The following DAPK1 variants were observed in gnomAD, a reference collection of about 807,000 sequenced individuals.
DAPK1 encodes the protein death-associated protein kinase 1.
DAPK1 carries 56 observed loss-of-function variants against 144.9 expected under a neutral mutation model. The observed-to-expected ratio is 0.39, with a 90% CI of 0.31 to 0.48. The LOEUF (loss-of-function observed/expected upper bound fraction) is 0.48. Ranked by LOEUF, DAPK1 falls within the 20% of genes least tolerant of loss-of-function variation. The pLI is 0.95. For missense variants in DAPK1, 1,454 were observed against 1,875.4 expected, an observed-to-expected ratio of 0.78 and a Z score of 4.15; for synonymous variants, 690 against 749.0, an observed-to-expected ratio of 0.92 and a Z score of 1.29.
At chr9:87,576,989 G>C (rs1481952560) in intron 2 of DAPK1, among the ~76,000 whole-genome samples, 2 of 152,204 alleles carry the variant, frequency 1.3e-5, no homozygotes, top group East Asian at 3.8e-4. Flanking sequence ...ACCTGCAGCT[G>C]CCCCATAAAT....
intron 3 of DAPK1, among the ~76,000 whole-genome samples, chr9:87,631,203 A>G (rs1829676871): frequency 1.3e-5 from 2 of 152,184 alleles, no homozygotes; most frequent in Admixed American, 6.5e-5. Context: ...GTATGTAGAC[A>G]GGGGTCCTCT....
chr9:87,668,866 T>C (rs2119277787), intron 19 of DAPK1, 192 bp downstream of exon 19: 1 of 569,714 alleles, frequency 1.8e-6, no homozygotes, highest in Admixed American at 3.3e-5. Flanking sequence ...TTCTTCTCTA[T>C]TTGGACTTGG....
intron 19 of DAPK1, among the ~76,000 whole-genome samples, chr9:87,678,430 C>T (rs536637930): frequency 6.6e-6 from 1 of 152,332 alleles, no homozygotes; most frequent in African/African-American, 2.4e-5. Context: ...GAGTGCAACC[C>T]CCACAGACGC....
At chr9:87,613,137 T>C (rs960223757) in intron 3 of DAPK1, among the ~76,000 whole-genome samples, 4 of 152,224 alleles carry the variant, frequency 2.6e-5, no homozygotes, top group Admixed American at 2.6e-4. Context: ...GCTATGGTTG[T>C]AGCCAAGTGC....
intron 18 of DAPK1, among the ~76,000 whole-genome samples, chr9:87,659,512 GC>G (rs1250200523): frequency 6.6e-6 from 1 of 152,208 alleles, no homozygotes; most frequent in African/African-American, 2.4e-5. Context: ...ACCCAGCCAG[GC>G]CATTATTGAA....
intron 2 of DAPK1, among the ~76,000 whole-genome samples, chr9:87,536,421 A>G (rs1178096339): frequency 6.6e-6 from 1 of 152,174 alleles, no homozygotes; most frequent in Non-Finnish European, 1.5e-5. Flanking sequence ...GAAATGCGAA[A>G]TACTTAAAGC....
chr9:87,660,547 G>C (rs1006305618), intron 18 of DAPK1, among the ~76,000 whole-genome samples: 1 of 151,922 alleles, frequency 6.6e-6, no homozygotes, highest in Non-Finnish European at 1.5e-5. Flanking sequence ...TATTACACTG[G>C]GGTGAAGTCA....
Position 87,647,370 on chromosome 9 carries a change from T to G in DAPK1, c.1296T>G (p.Ser432Arg). Residue 432 changes from serine to arginine, a missense_variant, in exon 14 of 26, where the codon AGT (serine) becomes AGG (arginine). Around this residue, in one of 2 missense-constraint regions of DAPK1, gnomAD observed 429 missense variants for 637.5 expected, o/e 0.67. Coordinates refer to ENST00000408954, the MANE Select transcript of DAPK1 (RefSeq NM_004938.4). ...HGHVDTLKFL[S>R]ENKCPLDVKD... is the part of the protein sequence containing the mutation. ...ACGTCGATACCTTGAAATTTCTCAG[T>G]GAGAACAAATGCCCTTTGGATGTGA... The G allele has an allele frequency of 6.2e-7, 1 of 1,614,138 alleles. No individual in the cohort carries two copies. The highest frequency in any genetic ancestry group is 1.7e-5 in the Admixed American group (1 of 60,028).
intron 2 of DAPK1, among the ~76,000 whole-genome samples, chr9:87,604,128 AGTGG>A (rs1828625091): frequency 6.6e-6 from 1 of 151,970 alleles, no homozygotes; most frequent in African/African-American, 2.4e-5. Context: ...TCAAACTAAG[AGTGG>A]CTCTCCTCAT....
At chr9:87,546,484 G>A (rs1290494770) in intron 2 of DAPK1, among the ~76,000 whole-genome samples, 1 of 152,162 alleles carries the variant, frequency 6.6e-6, no homozygotes, top group Non-Finnish European at 1.5e-5. Flanking sequence ...GGTGGTCTGA[G>A]CTCTGAATTG....
chr9:87,703,567 C>T (rs1001546044), intron 25 of DAPK1, among the ~76,000 whole-genome samples: 2 of 152,140 alleles, frequency 1.3e-5, no homozygotes, highest in African/African-American at 4.8e-5. Flanking sequence ...TTCAGGATGG[C>T]TTCTTTGTAT....
chr9:87,545,944 G>T (rs1348109440), intron 2 of DAPK1, among the ~76,000 whole-genome samples: 1 of 152,122 alleles, frequency 6.6e-6, no homozygotes, highest in Non-Finnish European at 1.5e-5. Flanking sequence ...AGACCATTTT[G>T]TTGCATCCTC....
At chr9:87,560,791 G>T (rs750752193) in intron 2 of DAPK1, among the ~76,000 whole-genome samples, 1 of 150,880 alleles carries the variant, frequency 6.6e-6, no homozygotes, top group Admixed American at 6.6e-5. Flanking sequence ...TCAGCCTCCC[G>T]AGTAGCTAAG....
intron 21 of DAPK1, among the ~76,000 whole-genome samples, chr9:87,694,761 G>C (rs1825197178): frequency 6.6e-6 from 1 of 152,182 alleles, no homozygotes; most frequent in Non-Finnish European, 1.5e-5. Flanking sequence ...AGAGATGTCA[G>C]TGGGGCTCTA....
intron 2 of DAPK1, among the ~76,000 whole-genome samples, chr9:87,594,165 GTTGT>G (rs1458870583): frequency 6.6e-6 from 1 of 152,232 alleles, no homozygotes; most frequent in Non-Finnish European, 1.5e-5. Context: ...ATGGAGTGTT[GTTGT>G]TTGTTTTGTT....
intron 2 of DAPK1, among the ~76,000 whole-genome samples, chr9:87,602,768 A>G (rs571624597): frequency 2.1e-4 from 32 of 151,800 alleles, no homozygotes; most frequent in Non-Finnish European, 2.9e-4. Context: ...TGAGTAGCTG[A>G]GATTACAGGC....
intron 2 of DAPK1, among the ~76,000 whole-genome samples, chr9:87,531,164 G>A (rs1472021327): frequency 3.9e-5 from 6 of 152,122 alleles, no homozygotes; most frequent in Admixed American, 2.6e-4. Flanking sequence ...ATTGTTGCAC[G>A]CAGTGGGCTC....
intron 2 of DAPK1, among the ~76,000 whole-genome samples, chr9:87,576,263 G>T (rs1434284833): frequency 6.6e-6 from 1 of 152,254 alleles, no homozygotes; most frequent in Admixed American, 6.5e-5. Context: ...AAGCTGAGCA[G>T]ATGTTTTCCT....
chr9:87,614,892 G>A (rs1564024188), intron 3 of DAPK1, among the ~76,000 whole-genome samples: 1 of 152,124 alleles, frequency 6.6e-6, no homozygotes, highest in Admixed American at 6.5e-5. Flanking sequence ...CCCCACTCTG[G>A]TCATACGGAG....
Sources: allele counts gnomAD v4.1 joint callset (sites outside exome capture counted in the v4.1 genomes callset), GRCh38; gene constraint gnomAD v4.1.1; regional missense constraint gnomAD v4.1.1; transcripts MANE v1.5; gene names NCBI Gene and HGNC (gene_info 2026-07-23, HGNC 2026-07-21).